IFT140: variants seen among roughly 807,000 people sequenced by gnomAD.
IFT140 encodes intraflagellar transport 140.
A neutral mutation model predicts 164.6 loss-of-function variants in IFT140; 133 were observed. That is an observed-to-expected ratio of 0.81 (90% CI 0.70 to 0.93). The LOEUF (loss-of-function observed/expected upper bound fraction) is 0.93, where lower values mean the gene tolerates loss of function less well. IFT140 is among the 40% of genes least tolerant of loss of function. The probability of loss-of-function intolerance (pLI) is 0.00; values close to 1 mark genes in which losing one functional copy is unlikely to be tolerated. For synonymous variants in IFT140, 860 were observed against 817.3 expected (o/e 1.05, Z -0.89); for missense variants, 2,045 against 1,972.3 (o/e 1.04, Z -0.70).
intron 19 of IFT140, chr16:1,534,543 G>C: frequency 6.2e-7 from 1 of 1,604,060 alleles, no homozygotes; most frequent in Non-Finnish European, 8.5e-7. Flanking sequence ...GGAGTCCCGA[G>C]GCACCGTCAA....
intron 17 of IFT140, among the ~76,000 whole-genome samples, 183 bp downstream of exon 17, chr16:1,563,814 G>A (rs534147747): frequency 3.8e-4 from 58 of 152,190 alleles, no homozygotes; most frequent in Non-Finnish European, 6.6e-4. Flanking sequence ...TTTTAGAGAC[G>A]AGGGTCTCAA....
intron 3 of IFT140, among the ~76,000 whole-genome samples, chr16:1,603,928 A>C (rs2035919668): frequency 6.6e-6 from 1 of 152,202 alleles, no homozygotes; most frequent in Admixed American, 6.5e-5. Flanking sequence ...ATAGATCACT[A>C]TTTTGAAATC....
In IFT140 at chr16:1,518,240, G is replaced by C. The variant is rs111494974; in HGVS notation, c.4158C>G (p.Tyr1386Ter). 2 of 1,613,790 alleles carry C rather than the reference G, an allele frequency of 1.2e-6. No individual in the cohort carries two copies. The highest frequency in any genetic ancestry group is 1.7e-6 in the Non-Finnish European group (2 of 1,179,976). The change falls in exon 30 of 31, where the codon TAC becomes TAG. Residue 1386 changes from tyrosine (Y) to a stop codon, truncating the protein, a stop_gained. Transcript: ENST00000426508. LOFTEE classifies it low-confidence loss of function (END_TRUNC). ...GDVYGFLVEH[Y>*]VRKEEYQTAY... is the part of the protein sequence containing the mutation. ...CCGTCTGGTATTCCTCCTTCCGCACGTAGTGCTCCACCAGGAAGCCATAGA... is the reference window on the plus strand; with the variant it reads ...CCGTCTGGTATTCCTCCTTCCGCACCTAGTGCTCCACCAGGAAGCCATAGA...
chr16:1,559,852 C>T lies in IFT140; in HGVS notation c.2200-1718G>A, dbSNP rs181211062. Reference sequence around the variant, plus strand: ...GGAAAAGGATCTCAGGAAAACAACCCGGTGAAGCAAATGACACACGACCTG... The same window carrying T: ...GGAAAAGGATCTCAGGAAAACAACCTGGTGAAGCAAATGACACACGACCTG... On this transcript the variant is annotated intron_variant, in intron 18 of 30. Coordinates refer to ENST00000426508, the MANE Select transcript of IFT140 (RefSeq NM_014714.4). 5.1e-4 allele frequency among the ~76,000 whole-genome samples: 77 copies of T among 152,334 alleles called. 1 individual carries two copies. Among genetic ancestry groups the T allele is most frequent in the African/African-American group, 1.6e-3 (65 of 41,582 alleles).
At chr16:1,534,146 C>T (rs543925282) in intron 19 of IFT140, 55 of 1,228,048 alleles carry the variant, frequency 4.5e-5, no homozygotes, top group Non-Finnish European at 5.4e-5. Context: ...CATGGGCCTC[C>T]GCCCGCGCCG....
intron 19 of IFT140, chr16:1,534,211 C>A: frequency 6.3e-7 from 1 of 1,589,662 alleles, no homozygotes; most frequent in South Asian, 1.1e-5. Context: ...TCGGCTCTCC[C>A]TGGACGTGCG....
chr16:1,533,920 T>G lies in IFT140; in HGVS notation c.2400-7124A>C. On this transcript the variant is annotated intron_variant, in intron 19 of 30. Transcript: ENST00000426508. This position sits in a 1 kb window ranked among gnomAD's most constrained non-coding sequence, Gnocchi z 4.7. ...TGCCGGCCTCCCGAGTGACTCTGTT[T>G]TCCACTGCTGCAGGCGAGAAGAGGC... is the stretch of plus-strand genomic sequence containing the variant. 3.1e-6 allele frequency: 1 copy of G among 326,920 alleles called. No homozygotes were observed. The highest frequency in any genetic ancestry group is 5.6e-6 in the Non-Finnish European group (1 of 177,354). 20.3% of individuals were successfully genotyped at this position (326,920 alleles called of 1,614,324 possible).
chr16:1,513,894 C>T (rs185564827), intron 30 of IFT140, among the ~76,000 whole-genome samples: 11,131 of 141,380 alleles, frequency 0.079, 1,273 homozygotes, highest in African/African-American at 0.22. Context: ...AAGATGGTCT[C>T]CATCTCCTGA....
intron 19 of IFT140, among the ~76,000 whole-genome samples, chr16:1,542,572 A>G (rs1567349603): frequency 6.6e-6 from 1 of 152,128 alleles, no homozygotes; most frequent in Non-Finnish European, 1.5e-5. Context: ...TCTGTTATAA[A>G]CGCAGCTTCC....
At chr16:1,561,943 G>A (rs2033430771) in intron 18 of IFT140, 42 bp downstream of exon 18, 13 of 1,498,176 alleles carry the variant, frequency 8.7e-6, no homozygotes, top group Non-Finnish European at 1.2e-5. Flanking sequence ...CAGGCAAGGG[G>A]AGAGATCAGA....
chr16:1,606,992 A>T (rs2036104396), intron 3 of IFT140, 128 bp downstream of exon 3: 10 of 873,492 alleles, frequency 1.1e-5, no homozygotes, highest in Non-Finnish European at 1.7e-5. Context: ...ACGCACACAC[A>T]GATGCATGTA....
chr16:1,589,837 A>C (rs1596427542), intron 6 of IFT140, 57 bp from the exon 7 acceptor site: 1 of 1,452,612 alleles, frequency 6.9e-7, no homozygotes, highest in Non-Finnish European at 9.6e-7. Flanking sequence ...TGCTTCCATG[A>C]CCCTCACCAG....
intron 22 of IFT140, 139 bp from the exon 23 acceptor site, chr16:1,525,055 G>A (rs977689949): frequency 7.5e-7 from 1 of 1,341,766 alleles, no homozygotes; most frequent in African/African-American, 1.4e-5. Flanking sequence ...GAGGACCCCT[G>A]GCTTTGTCCA....
chr16:1,565,442 A>G (rs1293671268), intron 16 of IFT140, among the ~76,000 whole-genome samples: 1 of 150,914 alleles, frequency 6.6e-6, no homozygotes, highest in Non-Finnish European at 1.5e-5. Context: ...TGTGTGGGAG[A>G]GGCAGGGGGA....
chr16:1,604,976 C>T (rs554468000), intron 3 of IFT140, among the ~76,000 whole-genome samples: 1 of 152,080 alleles, frequency 6.6e-6, no homozygotes, highest in African/African-American at 2.4e-5. Flanking sequence ...TTTGTACAGT[C>T]TGAGGTCTCC....
Position 1,553,055 on chromosome 16 carries a change from A to T in IFT140, c.2399+4880T>A. On this transcript the variant is annotated intron_variant, in intron 19 of 30. Coordinates refer to ENST00000426508, the MANE Select transcript of IFT140 (RefSeq NM_014714.4). The surrounding 1 kb of genome is among the most constrained non-coding windows in gnomAD (Gnocchi z 4.4). ...ATGAACACAGAAACCAGTCACTGTC[A>T]TTGTTCAGGACAAAATGGAGATAGA... 1 of 985,448 alleles carries T rather than the reference A, an allele frequency of 1.0e-6. No homozygotes were observed. The highest frequency in any genetic ancestry group is 1.2e-6 in the Non-Finnish European group (1 of 829,934). The allele number at this position is 985,448 out of a possible 1,614,324, so 61.0% of individuals were successfully genotyped here.
chr16:1,534,514 C>T, intron 19 of IFT140: 1 of 1,607,328 alleles, frequency 6.2e-7, no homozygotes, highest in Non-Finnish European at 8.5e-7. Context: ...GGCTGGGGCT[C>T]CGAGGCAGCC....
intron 9 of IFT140, among the ~76,000 whole-genome samples, chr16:1,586,898 G>GT (rs2034914501): frequency 1.3e-5 from 2 of 152,018 alleles, no homozygotes; most frequent in Non-Finnish European, 2.9e-5. Flanking sequence ...GTGGAGACGG[G>GT]GTCTCACTAT....
chr16:1,602,991 C>T (rs2035872598), intron 3 of IFT140, among the ~76,000 whole-genome samples: 1 of 152,164 alleles, frequency 6.6e-6, no homozygotes, highest in Non-Finnish European at 1.5e-5. Flanking sequence ...GTGGACTCCA[C>T]ATTGGCGACA....
Sources: gnomAD v4.1 joint callset for allele counts (sites outside exome capture counted in the v4.1 genomes callset) on GRCh38, gnomAD v4.1.1 for gene constraint, Gnocchi (gnomAD v3.1) non-coding constraint, MANE v1.5 for transcripts, NCBI Gene and HGNC (gene_info 2026-07-23, HGNC 2026-07-21) for gene names.